Variants in CCDC33 observed in about 807,000 individuals in gnomAD.
The protein encoded by CCDC33 is coiled-coil domain containing 33.
A neutral mutation model predicts 91.9 loss-of-function variants in CCDC33; 94 were observed. The observed-to-expected ratio is 1.02, with a 90% confidence interval of 0.87 to 1.21. The LOEUF is 1.21. Among genes scored for constraint, CCDC33 ranks in the 50% most tolerant of loss-of-function variants. The pLI, the probability that CCDC33 is intolerant of heterozygous loss-of-function variation, is 0.00. For synonymous variants in CCDC33, 396 were observed against 374.5 expected, an observed-to-expected ratio of 1.06 and a Z score of -0.66; for missense variants, 940 against 935.5, an observed-to-expected ratio of 1.00 and a Z score of -0.06.
chr15:74,304,833 C>T (rs1163386486), intron 11 of CCDC33, among the ~76,000 whole-genome samples: 1 of 152,200 alleles, frequency 6.6e-6, no homozygotes, highest in Non-Finnish European at 1.5e-5. Flanking sequence ...CAGCCTTGTC[C>T]CTCCCCACCT....
chr15:74,237,923 T>A (rs1595913568), intron 1 of CCDC33, among the ~76,000 whole-genome samples: 1 of 151,688 alleles, frequency 6.6e-6, no homozygotes, highest in African/African-American at 2.4e-5. Context: ...GAGGCAGGAG[T>A]TTGAGACCAG....
At position 74,268,380 on chromosome 15, in the gene CCDC33, G is replaced by C; in HGVS notation, c.468G>C (p.Lys156Asn). 5 of 1,611,590 alleles carry C rather than the reference G, an allele frequency of 3.1e-6. No individual in the cohort carries two copies. The highest frequency in any genetic ancestry group is 4.2e-6 in the Non-Finnish European group (5 of 1,178,780). ...ESGKADEATA[K>N]TQLYATVVRK... ...GGAAAGCCGATGAAGCCACTGCCAA[G>C]ACCCAGTTGTACGCAACAGTCGTTC... Residue 156 changes from lysine to asparagine, a missense_variant, in exon 5 of 19, where the codon AAG becomes AAC. By Grantham distance (94) the Lys-to-Asn change is moderately conservative (BLOSUM62 0). Transcript: ENST00000398814.
chr15:74,252,794 C>T (rs1204919106), intron 2 of CCDC33, among the ~76,000 whole-genome samples: 4 of 152,280 alleles, frequency 2.6e-5, no homozygotes, highest in East Asian at 1.9e-4. Flanking sequence ...CCTGCAGGGC[C>T]CCCACACCAT....
rs1482858686 is a variant in CCDC33 at position 74,330,358 on chromosome 15, A to G, written c.1456+4A>G. On this transcript the variant is annotated splice_donor_region_variant and intron_variant, in intron 12 of 18. Transcript: ENST00000398814. The stretch of plus-strand genomic sequence containing the variant: ...GCCAGTGAGGCCCAGAACACGGGTG[A>G]GGATGTGCAGGCCACCAAGGGCACC... 3.2e-6 allele frequency: 5 copies of G among 1,581,080 alleles called. No individual in the cohort carries two copies. The highest frequency in any genetic ancestry group is 1.8e-5 in the Admixed American group (1 of 54,660).
chr15:74,266,729 A>C lies in CCDC33; in HGVS notation c.371A>C (p.Tyr124Ser). 1 of 1,614,246 alleles carries C rather than the reference A, an allele frequency of 6.2e-7. No individual in the cohort carries two copies. The highest frequency in any genetic ancestry group is 1.3e-5 in the African/African-American group (1 of 75,068). Residue 124 changes from tyrosine to serine, a missense_variant, in exon 4 of 19, where the codon TAC becomes TCC. Physicochemically the swap from Tyr to Ser is moderately radical, Grantham distance 144. Transcript: ENST00000398814. ...AGAAAGAAACAGGAGTTGTTGTCCT[A>C]CAAAATCCCCATCAAGTACCTGCGT... ...DNRKKQELLSYKIPIKYLRVF... is the reference protein window; with the variant it reads ...DNRKKQELLSSKIPIKYLRVF...
chr15:74,236,890 G>A (rs1187621639), intron 1 of CCDC33, 150 bp downstream of exon 1: 4 of 742,434 alleles, frequency 5.4e-6, no homozygotes, highest in Admixed American at 5.2e-5. Context: ...GAGTGAGGTG[G>A]TCTCTGTGGC....
chr15:74,287,510 A>G (rs1161574696), intron 10 of CCDC33, among the ~76,000 whole-genome samples: 1 of 151,470 alleles, frequency 6.6e-6, no homozygotes, highest in African/African-American at 2.4e-5. Flanking sequence ...ATCCCATCCA[A>G]AGAAAACTTA....
At chr15:74,325,992 A>G (rs1188397189) in intron 11 of CCDC33, among the ~76,000 whole-genome samples, 3 of 152,186 alleles carry the variant, frequency 2.0e-5, no homozygotes, top group African/African-American at 7.2e-5. Flanking sequence ...ACATCATCAT[A>G]TCTTCTGTGC....
chr15:74,251,516 A>G (rs116813192), intron 2 of CCDC33, among the ~76,000 whole-genome samples: 2,968 of 152,330 alleles, frequency 0.019, 107 homozygotes, highest in African/African-American at 0.068. Context: ...CAGCATTGGC[A>G]GCTGCTTCTT....
At position 74,229,834 on chromosome 15, in the gene CCDC33, A is replaced by T. The variant is rs893390082; in HGVS notation, c.675+10973A>T. The stretch of plus-strand genomic sequence containing the variant: ...CCAGGCAACATGCTGGGCCCTGGGG[A>T]CATGGTCCCCGCCCTTGGGGAAGAT... On this transcript the variant is annotated intron_variant, in intron 2 of 2. Coordinates refer to the CCDC33 transcript ENST00000635913. Among the ~76,000 whole-genome samples the T allele has an allele frequency of 5.3e-5, 8 of 152,238 alleles. No individual in the cohort carries two copies. In the East Asian group the frequency reaches 7.7e-4, roughly 15 times the overall value.
intron 2 of CCDC33, among the ~76,000 whole-genome samples, chr15:74,261,193 C>T (rs1352201314): frequency 6.6e-6 from 1 of 152,184 alleles, no homozygotes; most frequent in Admixed American, 6.5e-5. Flanking sequence ...GATGGAACTC[C>T]TGCAAGCATG....
chr15:74,262,307 G>T, intron 2 of CCDC33, 133 bp from the exon 3 acceptor site: 1 of 1,174,206 alleles, frequency 8.5e-7, no homozygotes. Flanking sequence ...TGACACAAGT[G>T]TCTATGCATG....
intron 1 of CCDC33, chr15:74,209,162 G>T (rs1595871264): frequency 1.5e-6 from 2 of 1,297,112 alleles, no homozygotes; most frequent in Admixed American, 6.1e-5. Context: ...CAGGCACAGA[G>T]CAGGGGCTGG....
chr15:74,310,942 G>GT (rs2059982091), intron 11 of CCDC33, among the ~76,000 whole-genome samples: 1 of 152,236 alleles, frequency 6.6e-6, no homozygotes, highest in African/African-American at 2.4e-5. Flanking sequence ...GAAGCACTTT[G>GT]TGAAGCTCTG....
chr15:74,276,609 C>T (rs967353493), intron 7 of CCDC33, among the ~76,000 whole-genome samples: 5 of 152,198 alleles, frequency 3.3e-5, no homozygotes, highest in Non-Finnish European at 7.4e-5. Context: ...CTAGCCCTTC[C>T]CCTGGGCCCC....
At chr15:74,203,523 T>G (rs1019142839) in intron 1 of CCDC33, among the ~76,000 whole-genome samples, 2 of 152,252 alleles carry the variant, frequency 1.3e-5, no homozygotes, top group African/African-American at 4.8e-5. Context: ...TGTGAGGGTC[T>G]CTGTCCTTCC....
intron 1 of CCDC33, among the ~76,000 whole-genome samples, chr15:74,206,322 G>A (rs989419668): frequency 2.0e-5 from 3 of 152,200 alleles, no homozygotes; most frequent in African/African-American, 7.2e-5. Context: ...TGCAAGGTGA[G>A]CCCACTTCTT....
At chr15:74,278,760 A>T (rs1334339903) in intron 7 of CCDC33, among the ~76,000 whole-genome samples, 1 of 152,168 alleles carries the variant, frequency 6.6e-6, no homozygotes, top group African/African-American at 2.4e-5. Context: ...TTTTCTGACC[A>T]CCCATGGGAA....
intron 11 of CCDC33, among the ~76,000 whole-genome samples, chr15:74,324,798 G>T (rs1170914512): frequency 8.9e-6 from 1 of 111,822 alleles, no homozygotes. Context: ...CCCCAACCCA[G>T]CTCCCCCTCC....
Sources: gnomAD v4.1 joint callset for allele counts (sites outside exome capture counted in the v4.1 genomes callset) on GRCh38, gnomAD v4.1.1 for gene constraint, MANE v1.5 for transcripts, NCBI Gene and HGNC (gene_info 2026-07-23, HGNC 2026-07-21) for gene names.